Variants in IQGAP2 observed in about 807,000 individuals in gnomAD.
IQGAP2 encodes the protein IQ motif containing GTPase activating protein 2.
IQGAP2 carries 173 observed loss-of-function variants against 201.3 expected under a neutral mutation model. The observed-to-expected ratio is 0.86, with a 90% CI of 0.76 to 0.98. IQGAP2 has a LOEUF of 0.98. Ranked by LOEUF, IQGAP2 falls within the 50% of genes least tolerant of loss-of-function variation. The pLI is 0.00. For missense variants in IQGAP2, 1,687 were observed against 1,864.8 expected, an observed-to-expected ratio of 0.90 and a Z score of 1.76; for synonymous variants, 675 against 673.9, an observed-to-expected ratio of 1.00 and a Z score of -0.03.
At chr5:76,550,666 G>C (rs573572065) in intron 2 of IQGAP2, among the ~76,000 whole-genome samples, 63 of 152,274 alleles carry the variant, frequency 4.1e-4, no homozygotes, top group African/African-American at 1.5e-3. Context: ...GCACGGGGTT[G>C]GGGGTAGGGT....
chr5:76,694,314 TCA>T (rs1746532478), intron 31 of IQGAP2, among the ~76,000 whole-genome samples: 1 of 152,122 alleles, frequency 6.6e-6, no homozygotes, highest in Admixed American at 6.5e-5. Context: ...AAACTTCAAA[TCA>T]CACGTTTGTT....
intron 30 of IQGAP2, among the ~76,000 whole-genome samples, chr5:76,691,256 A>C (rs1367528039): frequency 6.6e-6 from 1 of 152,158 alleles, no homozygotes; most frequent in Admixed American, 6.5e-5. Flanking sequence ...CTGTGTGAGC[A>C]GTTTGTCCTC....
rs2150545082 is a variant in IQGAP2 at position 76,695,656 on chromosome 5, A to G, written c.4196A>G (p.Glu1399Gly). 1 of 1,613,364 alleles carries G rather than the reference A, an allele frequency of 6.2e-7. No individual in the cohort carries two copies. Among genetic ancestry groups the G allele is most frequent in the East Asian group, 2.2e-5 (1 of 44,864 alleles). ...AATAAATACCAAGACATTCTCAATG[A>G]GATTGCCAAGGTTTTTGGAAACAGT... ...SENKYQDILN[E>G]IAKDIRNQRI... is the part of the protein sequence containing the mutation. Residue 1399 changes from glutamate (E) to glycine (G), a missense_variant, in exon 32 of 36, where the codon GAG (glutamate) becomes GGG (glycine). Glu to Gly is a moderately conservative substitution (Grantham distance 98, BLOSUM62 -2). Transcript: ENST00000274364.
intron 12 of IQGAP2, among the ~76,000 whole-genome samples, chr5:76,609,893 AT>A (rs944996178): frequency 1.7e-4 from 25 of 149,730 alleles, no homozygotes; most frequent in Non-Finnish European, 2.5e-4. Context: ...ATCTAAATGC[AT>A]TTTTTTATGA....
rs541536816 is a variant in IQGAP2 at position 76,547,004 on chromosome 5, T to G, written c.147-15392T>G. Among the ~76,000 whole-genome samples, 89 of 152,100 alleles carry G rather than the reference T, an allele frequency of 5.9e-4. 1 individual carries two copies. Among genetic ancestry groups the G allele is most frequent in the Non-Finnish European group, 9.9e-4 (67 of 68,006 alleles). On this transcript the variant is annotated intron_variant, in intron 2 of 35. Coordinates refer to ENST00000274364, the MANE Select transcript of IQGAP2 (RefSeq NM_006633.5). ...TTTGTCACTTCCTTGGTACAGCTGG[T>G]AGTGGAGGTGGGGGAAATCAATAAG...
At chr5:76,560,843 C>T (rs911355328) in intron 2 of IQGAP2, among the ~76,000 whole-genome samples, 4 of 152,138 alleles carry the variant, frequency 2.6e-5, no homozygotes, top group South Asian at 2.1e-4. Context: ...GACCCTCAGT[C>T]GATGCCTGAG....
chr5:76,424,653 T>C (rs1751900438), intron 1 of IQGAP2, among the ~76,000 whole-genome samples: 1 of 152,212 alleles, frequency 6.6e-6, no homozygotes, highest in Admixed American at 6.5e-5. Flanking sequence ...ACATGAGATA[T>C]AATTAAAGTG....
chr5:76,583,234 C>T (rs1745998570), intron 5 of IQGAP2, among the ~76,000 whole-genome samples: 1 of 152,104 alleles, frequency 6.6e-6, no homozygotes, highest in Admixed American at 6.5e-5. Context: ...TAAGCAGCCT[C>T]ATTTGAATTT....
intron 3 of IQGAP2, 148 bp from the exon 4 acceptor site, chr5:76,570,432 G>A (rs374106429): frequency 3.5e-5 from 22 of 629,614 alleles, no homozygotes; most frequent in African/African-American, 5.5e-5. Context: ...CCTTTAGCAC[G>A]CCTCTGTTTG....
chr5:76,589,833 C>T (rs183319498), intron 7 of IQGAP2, 105 bp downstream of exon 7: 5 of 554,756 alleles, frequency 9.0e-6, no homozygotes, highest in East Asian at 6.6e-5. Flanking sequence ...ATACTTTAAG[C>T]ACCCTAAAAG....
At chr5:76,658,767 G>A in intron 21 of IQGAP2, 100 bp downstream of exon 21, 1 of 1,011,544 alleles carries the variant, frequency 9.9e-7, no homozygotes, top group Non-Finnish European at 1.5e-6. Flanking sequence ...CAGAAATGTA[G>A]CATTAGGTGA....
intron 1 of IQGAP2, among the ~76,000 whole-genome samples, chr5:76,455,107 T>G (rs141347245): frequency 2.6e-4 from 39 of 152,222 alleles, no homozygotes; most frequent in African/African-American, 8.9e-4. Flanking sequence ...AAATAATTCT[T>G]CTATTCTGGA....
At chr5:76,665,528 A>G (rs1436295118) in intron 22 of IQGAP2, among the ~76,000 whole-genome samples, 1 of 152,234 alleles carries the variant, frequency 6.6e-6, no homozygotes, top group Non-Finnish European at 1.5e-5. Context: ...AACAATATAA[A>G]TCTGATAATA....
intron 28 of IQGAP2, among the ~76,000 whole-genome samples, chr5:76,680,758 C>A (rs1232343404): frequency 2.0e-5 from 3 of 149,324 alleles, no homozygotes; most frequent in Non-Finnish European, 4.4e-5. Flanking sequence ...GCCATTGTAC[C>A]CTAACCTGGG....
chr5:76,649,719 C>T (rs1473151374), intron 17 of IQGAP2, among the ~76,000 whole-genome samples: 1 of 152,160 alleles, frequency 6.6e-6, no homozygotes. Flanking sequence ...CTCACAGCTC[C>T]ACTAGGCAAT....
At chr5:76,534,349 A>G (rs1008842666) in intron 2 of IQGAP2, among the ~76,000 whole-genome samples, 1 of 152,218 alleles carries the variant, frequency 6.6e-6, no homozygotes, top group African/African-American at 2.4e-5. Flanking sequence ...CTTCTGAGAA[A>G]GCCCCCTGTA....
chr5:76,609,607 T>A (rs1412576410), intron 12 of IQGAP2, among the ~76,000 whole-genome samples: 3 of 152,134 alleles, frequency 2.0e-5, no homozygotes, highest in Non-Finnish European at 2.9e-5. Flanking sequence ...TTTTTAAAAA[T>A]GAGAAGTACT....
At chr5:76,497,388 C>A (rs1296122334) in intron 2 of IQGAP2, among the ~76,000 whole-genome samples, 1 of 152,020 alleles carries the variant, frequency 6.6e-6, no homozygotes, top group East Asian at 1.9e-4. Flanking sequence ...TTGAAATATC[C>A]CTGCAAAGGT....
chr5:76,509,098 T>C (rs1435853524), intron 2 of IQGAP2, among the ~76,000 whole-genome samples: 2 of 151,942 alleles, frequency 1.3e-5, no homozygotes, highest in African/African-American at 4.8e-5. Context: ...TGTGTGTATA[T>C]ATATATTTCA....
Sources: allele counts gnomAD v4.1 joint callset (sites outside exome capture counted in the v4.1 genomes callset), GRCh38; gene constraint gnomAD v4.1.1; transcripts MANE v1.5; gene names NCBI Gene and HGNC (gene_info 2026-07-23, HGNC 2026-07-21).